Variants in PAK5 observed in about 807,000 individuals in gnomAD.
PAK5 encodes the protein p21 (RAC1) activated kinase 5, also known as serine/threonine-protein kinase PAK 5.
PAK5 carries 16 observed loss-of-function variants against 65.9 expected under a neutral mutation model. The observed-to-expected ratio is 0.24, with a 90% CI of 0.16 to 0.37. PAK5 has a LOEUF of 0.37. Among genes scored for constraint, PAK5 ranks in the 10% least tolerant of loss-of-function variants. The probability of loss-of-function intolerance (pLI) is 1.00; values close to 1 mark genes in which losing one functional copy is unlikely to be tolerated. For synonymous variants in PAK5, 371 were observed against 354.9 expected (o/e 1.05, Z -0.51); for missense variants, 785 against 903.9 (o/e 0.87, Z 1.69).
intron 2 of PAK5, among the ~76,000 whole-genome samples, chr20:9,681,217 T>G (rs2047645222): frequency 6.6e-6 from 1 of 152,168 alleles, no homozygotes; most frequent in Non-Finnish European, 1.5e-5. Flanking sequence ...GGCTTTTTAA[T>G]TTTATTTTTT....
rs2123001408 is a variant in PAK5 at position 9,566,314 on chromosome 20, G to A, written c.1061C>T (p.Pro354Leu). 1 of 1,613,810 alleles carries A rather than the reference G, an allele frequency of 6.2e-7. No individual in the cohort carries two copies. Among genetic ancestry groups the A allele is most frequent in the Non-Finnish European group, 8.5e-7 (1 of 1,179,978 alleles). ...LSGSDTYPRGPAKLPQSQSKS... is the reference protein window; with the variant it reads ...LSGSDTYPRGLAKLPQSQSKS... ...GCTTTGACTTTGAGGTAGTTTGGCAGGGCCCCTGGGGTAGGTGTCAGACCC... is the reference window on the plus strand; with the variant it reads ...GCTTTGACTTTGAGGTAGTTTGGCAAGGCCCCTGGGGTAGGTGTCAGACCC... Residue 354 changes from proline to leucine, a missense_variant, in exon 5 of 10, where the codon CCT (proline) becomes CTT (leucine). Coordinates refer to ENST00000353224, the MANE Select transcript of PAK5 (RefSeq NM_177990.4).
chr20:9,596,422 G>A (rs1359699187), intron 3 of PAK5, among the ~76,000 whole-genome samples: 1 of 152,054 alleles, frequency 6.6e-6, no homozygotes, highest in African/African-American at 2.4e-5. Flanking sequence ...GGATCACAAG[G>A]TCAGGAGATC....
intron 6 of PAK5, among the ~76,000 whole-genome samples, chr20:9,559,251 A>G (rs1396801489): frequency 6.6e-6 from 1 of 152,150 alleles, no homozygotes; most frequent in African/African-American, 2.4e-5. Flanking sequence ...AACAGAGGAG[A>G]CTGTCAGGAG....
chr20:9,550,674 G>T (rs2045412695), intron 7 of PAK5, among the ~76,000 whole-genome samples: 1 of 152,084 alleles, frequency 6.6e-6, no homozygotes, highest in Non-Finnish European at 1.5e-5. Flanking sequence ...AATCTAGCCA[G>T]TAGGACTCTG....
At position 9,586,399 on chromosome 20, in the gene PAK5, TTAAAC is replaced by T. The variant is rs1310397864; in HGVS notation, c.205-5474_205-5470del. Among the ~76,000 whole-genome samples, 11 of 152,290 alleles carry T rather than the reference TTAAAC, an allele frequency of 7.2e-5. No individual in the cohort carries two copies. The East Asian group carries it at 2.1e-3, about 29-fold the overall frequency. ...GATTAATGAGTTGATTGGGTAGACT[TTAAAC>T]TAACACTTCATTTTTGAGAAATACT... is the stretch of plus-strand genomic sequence containing the variant. On this transcript the variant is annotated intron_variant, in intron 3 of 9. Coordinates refer to ENST00000353224, the MANE Select transcript of PAK5 (RefSeq NM_177990.4).
At position 9,596,513 on chromosome 20, in the gene PAK5, A is replaced by G. The variant is rs182669228; in HGVS notation, c.205-15583T>C. 1.0e-3 allele frequency among the ~76,000 whole-genome samples: 154 copies of G among 151,838 alleles called. 2 individuals carry two copies. The East Asian group carries it at 0.026, about 25-fold the overall frequency. On this transcript the variant is annotated intron_variant, in intron 3 of 9. Coordinates refer to ENST00000353224, the MANE Select transcript of PAK5 (RefSeq NM_177990.4). ...TAGCCGGGCGTGGTGGTGGGCGCCT[A>G]TAGTCCCAGCTACTCGGGAGGCTGA...
rs533304190 is a variant in PAK5 at position 9,622,460 on chromosome 20, C to T, written c.204+21665G>A. Reference sequence around the variant, plus strand: ...TTCTACGGAATAGTGCTAATCTAGACATTGACCTCAAGATGAAGTAAACAT... The same window carrying T: ...TTCTACGGAATAGTGCTAATCTAGATATTGACCTCAAGATGAAGTAAACAT... On this transcript the variant is annotated intron_variant, in intron 3 of 9. Coordinates refer to ENST00000353224, the MANE Select transcript of PAK5 (RefSeq NM_177990.4). 7.2e-5 allele frequency among the ~76,000 whole-genome samples: 11 copies of T among 152,242 alleles called. No individual in the cohort carries two copies. In the South Asian group the frequency reaches 1.2e-3, roughly 17 times the overall value.
intron 3 of PAK5, among the ~76,000 whole-genome samples, chr20:9,599,571 A>G (rs186560866): frequency 5.3e-5 from 8 of 152,278 alleles, no homozygotes; most frequent in Admixed American, 5.2e-4. Flanking sequence ...GTGACTTAGT[A>G]TCTCACTGTG....
At chr20:9,797,326 A>T (rs902495619) in intron 1 of PAK5, among the ~76,000 whole-genome samples, 13 of 152,092 alleles carry the variant, frequency 8.5e-5, no homozygotes, top group Non-Finnish European at 4.4e-5. Flanking sequence ...ATAAAAAATG[A>T]TGAGTTCATG....
intron 3 of PAK5, among the ~76,000 whole-genome samples, chr20:9,635,443 G>C (rs2046971996): frequency 6.6e-6 from 1 of 151,980 alleles, no homozygotes; most frequent in African/African-American, 2.4e-5. Flanking sequence ...ATCTCTACTT[G>C]TCCATCTGGC....
At chr20:9,737,318 G>C (rs2048400702) in intron 1 of PAK5, among the ~76,000 whole-genome samples, 2 of 152,086 alleles carry the variant, frequency 1.3e-5, no homozygotes, top group African/African-American at 4.8e-5. Context: ...GAAAAGGATA[G>C]GCTAGAACTA....
chr20:9,623,912 G>A (rs1004444444), intron 3 of PAK5, among the ~76,000 whole-genome samples: 2 of 152,214 alleles, frequency 1.3e-5, no homozygotes, highest in African/African-American at 4.8e-5. Flanking sequence ...GGCATGGTGA[G>A]AATGTAAGGT....
chr20:9,652,228 CA>C (rs1393710501), intron 2 of PAK5, among the ~76,000 whole-genome samples: 1 of 152,144 alleles, frequency 6.6e-6, no homozygotes, highest in Non-Finnish European at 1.5e-5. Flanking sequence ...GAGGGGATGG[CA>C]CCAACCACAC....
At chr20:9,651,385 C>G (rs2047201179) in intron 2 of PAK5, among the ~76,000 whole-genome samples, 1 of 152,186 alleles carries the variant, frequency 6.6e-6, no homozygotes, top group African/African-American at 2.4e-5. Flanking sequence ...GAAGTGCCAT[C>G]TCTCATCACA....
Position 9,640,292 on chromosome 20 carries a change from A to G in PAK5, c.204+3833T>C, listed in dbSNP as rs1021405331. Among the ~76,000 whole-genome samples the G allele has an allele frequency of 4.9e-4, 68 of 139,130 alleles. 1 individual carries two copies. Among genetic ancestry groups the G allele is most frequent in the Non-Finnish European group, 1.2e-4 (8 of 66,356 alleles). 91.3% of individuals were successfully genotyped at this position (139,130 alleles called of 152,430 possible). On this transcript the variant is annotated intron_variant, in intron 3 of 9. Transcript: ENST00000353224. ...TGTTCTTATTGTTCACTTCCCACCTATGAGTGAGAACATTCGGTGTTTGGT... is the reference window on the plus strand; with the variant it reads ...TGTTCTTATTGTTCACTTCCCACCTGTGAGTGAGAACATTCGGTGTTTGGT...
At chr20:9,746,627 A>G (rs1418464745) in intron 1 of PAK5, among the ~76,000 whole-genome samples, 1 of 152,198 alleles carries the variant, frequency 6.6e-6, no homozygotes, top group Non-Finnish European at 1.5e-5. Flanking sequence ...TTCATTAGCC[A>G]TTAGCCACAG....
intron 3 of PAK5, among the ~76,000 whole-genome samples, chr20:9,624,897 A>C (rs180775234): frequency 2.9e-4 from 44 of 152,296 alleles, no homozygotes; most frequent in African/African-American, 1.0e-3. Flanking sequence ...TCTCACAGAA[A>C]CAAACAAACA....
chr20:9,807,094 G>C (rs779816858), intron 1 of PAK5, among the ~76,000 whole-genome samples: 2 of 152,106 alleles, frequency 1.3e-5, no homozygotes, highest in African/African-American at 4.8e-5. Flanking sequence ...ATGGACTCCC[G>C]TGTGATCATG....
intron 2 of PAK5, among the ~76,000 whole-genome samples, chr20:9,684,125 G>A (rs1400374816): frequency 6.6e-6 from 1 of 152,156 alleles, no homozygotes; most frequent in Non-Finnish European, 1.5e-5. Context: ...TTAAACCATT[G>A]GGAATTTGGA....
Sources: gnomAD v4.1 joint callset for allele counts (sites outside exome capture counted in the v4.1 genomes callset) on GRCh38, gnomAD v4.1.1 for gene constraint, MANE v1.5 for transcripts, NCBI Gene and HGNC (gene_info 2026-07-23, HGNC 2026-07-21) for gene names.